The following PRR16 variants were observed in gnomAD, a reference collection of about 807,000 sequenced individuals.
The protein encoded by PRR16 is protein Largen.
Under a neutral mutation model 18.2 loss-of-function variants are expected in PRR16, and 6 were observed. The observed-to-expected ratio is 0.33, with a 90% CI of 0.18 to 0.65. The LOEUF is 0.65. Ranked by LOEUF, PRR16 falls within the 30% of genes least tolerant of loss-of-function variation. The probability of loss-of-function intolerance (pLI) is 0.74; values close to 1 mark genes in which losing one functional copy is unlikely to be tolerated. For synonymous variants in PRR16, 151 were observed against 147.8 expected, an observed-to-expected ratio of 1.02 and a Z score of -0.16; for missense variants, 412 against 376.6, an observed-to-expected ratio of 1.09 and a Z score of -0.78.
chr5:120,770,183 G>A, the PRR16 span, among the ~76,000 whole-genome samples: 5 of 151,912 alleles, frequency 3.3e-5, no homozygotes, highest in Middle Eastern at 6.8e-3. Flanking sequence ...TCCCACTTCC[G>A]GATTTCAAAA....
chr5:120,754,693 C>T, the PRR16 span, among the ~76,000 whole-genome samples: 1 of 137,710 alleles, frequency 7.3e-6, no homozygotes, highest in South Asian at 2.2e-4. Context: ...TTGTTTTCTT[C>T]CTGATATAAC....
rs186839539 is a variant in PRR16 at position 120,600,078 on chromosome 5, C to T, written c.160-85876C>T. On this transcript the variant is annotated intron_variant, in intron 1 of 1. Coordinates refer to ENST00000407149, the MANE Select transcript of PRR16 (RefSeq NM_001300783.2). ...GAAGCATAACACTTCTGATTAAGTT[C>T]GGCTCATCAATTATCTTTTCTGTTA... 5.6e-4 allele frequency among the ~76,000 whole-genome samples: 85 copies of T among 151,928 alleles called. 1 individual carries two copies. Among genetic ancestry groups the T allele is most frequent in the African/African-American group, 1.2e-3 (48 of 41,498 alleles).
At chr5:120,516,165 C>T (rs1029287135) in intron 1 of PRR16, among the ~76,000 whole-genome samples, 43 of 152,004 alleles carry the variant, frequency 2.8e-4, no homozygotes, top group African/African-American at 6.5e-4. Flanking sequence ...GGTTTATGCC[C>T]GTAATCTCAG....
chr5:120,496,451 G>A (rs983434811), intron 1 of PRR16, among the ~76,000 whole-genome samples: 3 of 151,908 alleles, frequency 2.0e-5, no homozygotes, highest in Admixed American at 6.6e-5. Context: ...TGTTTTTCAA[G>A]GAACTGATGT....
At chr5:120,546,426 A>G (rs1752076489) in intron 1 of PRR16, among the ~76,000 whole-genome samples, 1 of 152,094 alleles carries the variant, frequency 6.6e-6, no homozygotes, top group African/African-American at 2.4e-5. Context: ...TTCCATCATT[A>G]AAAACTAGAA....
At chr5:120,783,924 A>T in the PRR16 span, among the ~76,000 whole-genome samples, 2 of 152,148 alleles carry the variant, frequency 1.3e-5, no homozygotes, top group Admixed American at 1.3e-4. Context: ...CCTTCATAAG[A>T]TAATTTTTTA....
At chr5:120,490,414 G>A (rs554784503) in intron 1 of PRR16, among the ~76,000 whole-genome samples, 56 of 151,892 alleles carry the variant, frequency 3.7e-4, no homozygotes, top group African/African-American at 1.2e-3. Flanking sequence ...GTCTTCCATC[G>A]CTGATACCCT....
chr5:120,597,184 G>A (rs568549814), intron 1 of PRR16, among the ~76,000 whole-genome samples: 1 of 151,422 alleles, frequency 6.6e-6, no homozygotes, highest in South Asian at 2.1e-4. Flanking sequence ...TTTATTTATT[G>A]TATTTGAGTA....
the PRR16 span, among the ~76,000 whole-genome samples, chr5:120,763,943 C>CAAAT: frequency 1.6e-4 from 24 of 151,924 alleles, no homozygotes; most frequent in Admixed American, 1.6e-3. Context: ...CTTATCAGGT[C>CAAAT]TCAGAGATTT....
intron 1 of PRR16, among the ~76,000 whole-genome samples, chr5:120,632,170 T>G (rs1468146990): frequency 2.0e-5 from 3 of 152,256 alleles, no homozygotes; most frequent in African/African-American, 7.2e-5. Context: ...AGAAGCCCCA[T>G]TCCTAGGGGA....
At chr5:120,465,637 C>G (rs1347002049) in intron 1 of PRR16, 1 of 152,384 alleles carries the variant, frequency 6.6e-6, no homozygotes, top group Non-Finnish European at 1.5e-5. Flanking sequence ...GGCTGGCTGC[C>G]GGCGGCGTCG....
At chr5:120,711,344 A>G in the PRR16 span, among the ~76,000 whole-genome samples, 1 of 152,056 alleles carries the variant, frequency 6.6e-6, no homozygotes, top group African/African-American at 2.4e-5. Flanking sequence ...CAGATTATAG[A>G]CTCAGTGTAG....
the PRR16 span, among the ~76,000 whole-genome samples, chr5:120,714,867 C>T: frequency 2.0e-5 from 3 of 152,078 alleles, no homozygotes; most frequent in Non-Finnish European, 4.4e-5. Flanking sequence ...AAGCCATCAT[C>T]CTTAGCAAAC....
At chr5:120,754,436 A>C in the PRR16 span, among the ~76,000 whole-genome samples, 3 of 89,746 alleles carry the variant, frequency 3.3e-5, no homozygotes, top group South Asian at 1.0e-3. Flanking sequence ...AATATATAGT[A>C]TATAGTATAT....
intron 1 of PRR16, among the ~76,000 whole-genome samples, chr5:120,483,047 G>T (rs754030137): frequency 6.6e-6 from 1 of 152,122 alleles, no homozygotes; most frequent in African/African-American, 2.4e-5. Flanking sequence ...TAAATCAACC[G>T]TGACATTTCA....
chr5:120,735,195 T>C, the PRR16 span, among the ~76,000 whole-genome samples: 1 of 152,212 alleles, frequency 6.6e-6, no homozygotes, highest in African/African-American at 2.4e-5. Flanking sequence ...AGAATTTCCT[T>C]CTTTTTTAAA....
intron 1 of PRR16, among the ~76,000 whole-genome samples, chr5:120,685,548 G>T (rs1253479630): frequency 6.6e-6 from 1 of 151,984 alleles, no homozygotes; most frequent in Non-Finnish European, 1.5e-5. Context: ...TGATTTTGCA[G>T]ATTATCTTTT....
chr5:120,541,942 A>G (rs1047812414), intron 1 of PRR16, among the ~76,000 whole-genome samples: 1 of 151,188 alleles, frequency 6.6e-6, no homozygotes, highest in Admixed American at 6.6e-5. Context: ...TTTTAATTAC[A>G]GTTTTGAGCA....
chr5:120,465,682 C>A (rs1448486831), intron 1 of PRR16: 1 of 152,012 alleles, frequency 6.6e-6, no homozygotes, highest in African/African-American at 2.4e-5. Context: ...GCGCCGCTCA[C>A]TACTGAATGG....
Sources: gnomAD v4.1 joint callset for allele counts (sites outside exome capture counted in the v4.1 genomes callset) on GRCh38, gnomAD v4.1.1 for gene constraint, MANE v1.5 for transcripts, NCBI Gene and HGNC (gene_info 2026-07-23, HGNC 2026-07-21) for gene names.